CACNA1A: variants seen among roughly 807,000 people sequenced by gnomAD.
The protein encoded by CACNA1A is voltage-dependent P/Q-type calcium channel subunit alpha-1A.
In CACNA1A, 57 loss-of-function variants were observed where a neutral mutation model predicts 262.4. The observed-to-expected ratio is 0.22, with a 90% CI of 0.18 to 0.27. The LOEUF (loss-of-function observed/expected upper bound fraction) is 0.27, where lower values mean the gene tolerates loss of function less well. CACNA1A is among the 10% of genes least tolerant of loss of function. CACNA1A has a pLI of 1.00. For missense variants in CACNA1A, 2,526 were observed against 3,562.8 expected (o/e 0.71, Z 7.41); for synonymous variants, 1,431 against 1,419.3 (o/e 1.01, Z -0.18).
At chr19:13,278,535 T>C (rs1195265862) in intron 22 of CACNA1A, among the ~76,000 whole-genome samples, 1 of 152,128 alleles carries the variant, frequency 6.6e-6, no homozygotes, top group Non-Finnish European at 1.5e-5. Flanking sequence ...CTTTACGAAG[T>C]CTCTCCTTCC....
In CACNA1A at chr19:13,299,143, G is replaced by C. The variant is rs1248783281; in HGVS notation, c.2490C>G (p.Asn830Lys). The C allele has an allele frequency of 1.2e-6, 2 of 1,613,142 alleles. No individual in the cohort carries two copies. The highest frequency in any genetic ancestry group is 1.3e-5 in the African/African-American group (1 of 74,936). The change falls in exon 19 of 47, where the codon AAC becomes AAG. Residue 830 changes from asparagine to lysine, a missense_variant. Physicochemically the swap from Asn to Lys is moderately conservative, Grantham distance 94. Coordinates refer to ENST00000360228, the MANE Select transcript of CACNA1A (RefSeq NM_001127222.2). ...GGCTCTTGTTGGTGTTGTTGTTGCG[G>C]TTCTCCTGCGGGTCCACCACCAGCG... The part of the protein sequence containing the change: ...DRPLVVDPQE[N>K]RNNNTNKSRA...
chr19:13,214,264 G>C lies in CACNA1A; in HGVS notation c.5909C>G (p.Ala1970Gly). ...MIMEYYRQSK[A>G]KKLQAMREEQ... Reference sequence around the variant, plus strand: ...CTCGCGCATGGCCTGCAGCTTCTTGGCCTTGCTCTGCCGGTAGTACTCCAT... The same window carrying C: ...CTCGCGCATGGCCTGCAGCTTCTTGCCCTTGCTCTGCCGGTAGTACTCCAT... The change falls in exon 40 of 47, where the codon GCC (alanine) becomes GGC (glycine). Residue 1970 changes from alanine to glycine, a missense_variant. Coordinates refer to ENST00000360228, the MANE Select transcript of CACNA1A (RefSeq NM_001127222.2). The surrounding 1 kb of genome is among the most constrained non-coding windows in gnomAD (Gnocchi z 4.1). 6.2e-7 allele frequency: 1 copy of C among 1,611,416 alleles called. No individual in the cohort carries two copies. The highest frequency in any genetic ancestry group is 8.5e-7 in the Non-Finnish European group (1 of 1,179,838).
chr19:13,361,192 A>G (rs933435576), intron 5 of CACNA1A, among the ~76,000 whole-genome samples: 3 of 152,126 alleles, frequency 2.0e-5, no homozygotes, highest in African/African-American at 7.2e-5. Context: ...GCCTAAGGGT[A>G]AGGAACAGGA....
chr19:13,313,084 C>G (rs1666832045), intron 11 of CACNA1A, among the ~76,000 whole-genome samples: 1 of 152,020 alleles, frequency 6.6e-6, no homozygotes, highest in African/African-American at 2.4e-5. Context: ...TGGTCTTGAA[C>G]TCCTGGCCTC....
At chr19:13,432,416 A>AAAGT (rs753212325) in intron 3 of CACNA1A, among the ~76,000 whole-genome samples, 1 of 144,848 alleles carries the variant, frequency 6.9e-6, no homozygotes, top group African/African-American at 2.6e-5. Context: ...CTCCATCTCA[A>AAAGT]AAATAAATAA....
intron 1 of CACNA1A, among the ~76,000 whole-genome samples, chr19:13,495,644 G>A (rs978169494): frequency 3.9e-5 from 6 of 152,052 alleles, no homozygotes; most frequent in Non-Finnish European, 7.4e-5. Flanking sequence ...GGTGGTAAGC[G>A]GAGAGACTTG....
intron 3 of CACNA1A, chr19:13,450,695 T>C (rs939007010): frequency 1.3e-5 from 2 of 152,258 alleles, no homozygotes; most frequent in African/African-American, 4.8e-5. Context: ...TATTATTCTC[T>C]ACTTAGTTTT....
chr19:13,220,828 G>A (rs2055192688), intron 38 of CACNA1A, among the ~76,000 whole-genome samples: 1 of 152,090 alleles, frequency 6.6e-6, no homozygotes, highest in Admixed American at 6.6e-5. Flanking sequence ...GTCTCTCTGT[G>A]TTGGCCAGGC....
intron 31 of CACNA1A, among the ~76,000 whole-genome samples, chr19:13,240,224 T>C (rs766043532): frequency 6.6e-6 from 1 of 151,418 alleles, no homozygotes; most frequent in Non-Finnish European, 1.5e-5. Context: ...AGGTCATGAC[T>C]ATGTGCAGTG....
intron 6 of CACNA1A, among the ~76,000 whole-genome samples, chr19:13,337,688 G>C (rs942702056): frequency 2.5e-5 from 3 of 118,044 alleles, no homozygotes; most frequent in African/African-American, 9.7e-5. Context: ...AATTGGTTGA[G>C]AGTTTCTATG....
chr19:13,229,321 T>C (rs1361070243), intron 36 of CACNA1A, among the ~76,000 whole-genome samples: 1 of 152,146 alleles, frequency 6.6e-6, no homozygotes, highest in Non-Finnish European at 1.5e-5. Flanking sequence ...GGCCCCCCAG[T>C]AATGCTTCTT....
chr19:13,267,913 T>C (rs1036874666), intron 24 of CACNA1A, among the ~76,000 whole-genome samples: 7 of 151,976 alleles, frequency 4.6e-5, no homozygotes, highest in Non-Finnish European at 1.0e-4. Context: ...CCCAAGTAGC[T>C]GGAAATACAG....
At chr19:13,262,386 T>A (rs2056754139) in intron 25 of CACNA1A, 1 of 202,258 alleles carries the variant, frequency 4.9e-6, no homozygotes, top group African/African-American at 2.3e-5. Context: ...AATAGGTAGA[T>A]GAAAAGTCAA....
chr19:13,351,336 A>T (rs943513438), intron 6 of CACNA1A, among the ~76,000 whole-genome samples: 3 of 152,064 alleles, frequency 2.0e-5, no homozygotes, highest in African/African-American at 7.2e-5. Flanking sequence ...AAAAATGATC[A>T]TTTATTTACT....
intron 29 of CACNA1A, among the ~76,000 whole-genome samples, chr19:13,253,477 A>C (rs1600176278): frequency 1.9e-5 from 2 of 106,072 alleles, no homozygotes; most frequent in African/African-American, 3.8e-5. Flanking sequence ...GAGGAGTCTC[A>C]CTCTGTCACC....
At chr19:13,419,599 C>T (rs749103991) in intron 3 of CACNA1A, among the ~76,000 whole-genome samples, 1 of 152,084 alleles carries the variant, frequency 6.6e-6, no homozygotes, top group Non-Finnish European at 1.5e-5. Flanking sequence ...ATCGCTTGAA[C>T]CCAGGTGGTC....
intron 3 of CACNA1A, among the ~76,000 whole-genome samples, chr19:13,386,664 G>T (rs970060429): frequency 1.3e-5 from 2 of 152,054 alleles, no homozygotes; most frequent in South Asian, 2.1e-4. Context: ...GCAGTGGCAG[G>T]CACCTGTAAT....
chr19:13,459,666 C>T (rs1408568122), intron 1 of CACNA1A, among the ~76,000 whole-genome samples: 1 of 152,230 alleles, frequency 6.6e-6, no homozygotes, highest in East Asian at 1.9e-4. Context: ...CCCTGGTCTC[C>T]TCTCGCTATG....
At chr19:13,230,023 T>TGTTCCA in intron 36 of CACNA1A, 59 bp downstream of exon 36, 1 of 1,583,110 alleles carries the variant, frequency 6.3e-7, no homozygotes, top group Non-Finnish European at 8.6e-7. Context: ...ACCTAGCCCG[T>TGTTCCA]GTTCCAGTTC....
Sources: gnomAD v4.1 joint callset for allele counts (sites outside exome capture counted in the v4.1 genomes callset) on GRCh38, gnomAD v4.1.1 for gene constraint, Gnocchi (gnomAD v3.1) non-coding constraint, MANE v1.5 for transcripts, NCBI Gene and HGNC (gene_info 2026-07-23, HGNC 2026-07-21) for gene names.